Variants in ABI3BP observed in about 807,000 individuals in gnomAD.
ABI3BP encodes the protein ABI family member 3 binding protein.
Under a neutral mutation model 268.6 loss-of-function variants are expected in ABI3BP, and 216 were observed. The observed-to-expected ratio is 0.80, with a 90% CI of 0.72 to 0.90. The LOEUF (loss-of-function observed/expected upper bound fraction) is 0.90. ABI3BP is among the 40% of genes least tolerant of loss of function. The pLI is 0.00. For missense variants in ABI3BP, 2,090 were observed against 2,182.4 expected, an observed-to-expected ratio of 0.96 and a Z score of 0.84; for synonymous variants, 730 against 730.0, an observed-to-expected ratio of 1.00 and a Z score of 0.00.
chr3:100,833,660 T>G lies in ABI3BP; in HGVS notation c.2282-503A>C, dbSNP rs559323982. On this transcript the variant is annotated intron_variant, in intron 29 of 67. Coordinates refer to ENST00000471714, the MANE Select transcript of ABI3BP (RefSeq NM_001375547.2). ...AAATAAAGGCATACAAAGAACCAGA[T>G]ATAGAGGGTCATTCAATCCATCAAA... Among the ~76,000 whole-genome samples the G allele has an allele frequency of 2.0e-5, 3 of 152,282 alleles. No individual in the cohort carries two copies. The South Asian group carries it at 6.2e-4, about 32-fold the overall frequency.
chr3:100,876,933 A>T (rs1310823986), intron 6 of ABI3BP, among the ~76,000 whole-genome samples: 1 of 152,164 alleles, frequency 6.6e-6, no homozygotes, highest in African/African-American at 2.4e-5. Flanking sequence ...GGTTGCAGTA[A>T]GCCGAGATCA....
In ABI3BP at chr3:100,815,998, A is replaced by G. The variant is rs754127778; in HGVS notation, c.3230-27T>C. 3.0e-5 allele frequency: 44 copies of G among 1,462,672 alleles called. No individual in the cohort carries two copies. In the East Asian group the frequency reaches 1.0e-3, roughly 35 times the overall value. 90.6% of individuals were successfully genotyped at this position (1,462,672 alleles called of 1,614,324 possible). A position where few individuals can be genotyped will look rare whatever the true frequency, so the allele number is the denominator to read the frequency against. On this transcript the variant is annotated intron_variant, in intron 43 of 67. Transcript: ENST00000471714. ...TAACCAAAAGCAACAACATGAATAC[A>G]AGAAAGCTTAAAGACTTTTTAAAAA...
At chr3:100,773,875 A>C (rs2150047985) in intron 61 of ABI3BP, among the ~76,000 whole-genome samples, 1 of 152,310 alleles carries the variant, frequency 6.6e-6, no homozygotes, top group African/African-American at 2.4e-5. Context: ...ATTTATATAA[A>C]ATTTCATAAA....
rs114734230 is a variant in ABI3BP at position 100,824,649 on chromosome 3, A to G, written c.2746+209T>C. 7.2e-3 allele frequency among the ~76,000 whole-genome samples: 1,093 copies of G among 152,368 alleles called. 4 individuals carry two copies. Among genetic ancestry groups the G allele is most frequent in the Non-Finnish European group, 0.011 (726 of 68,044 alleles). ...GTGGTTTCAAAGAAAAGTCTCACAT[A>G]GAAATAATAAGATATGCTGGCATCA... On this transcript the variant is annotated intron_variant, in intron 36 of 67. Transcript: ENST00000471714.
chr3:100,780,031 G>A (rs1029595237), intron 58 of ABI3BP, 101 bp downstream of exon 58: 2 of 982,736 alleles, frequency 2.0e-6, no homozygotes, highest in Admixed American at 3.7e-5. Flanking sequence ...TACTTCGGGG[G>A]CTGTGTGGAT....
intron 9 of ABI3BP, among the ~76,000 whole-genome samples, chr3:100,867,257 A>C (rs2153219358): frequency 6.6e-6 from 1 of 152,222 alleles, no homozygotes; most frequent in Admixed American, 6.5e-5. Flanking sequence ...CATCTGATTG[A>C]TAAATAGAAT....
intron 55 of ABI3BP, among the ~76,000 whole-genome samples, chr3:100,792,041 G>A (rs1432642693): frequency 6.6e-6 from 1 of 151,758 alleles, no homozygotes; most frequent in Non-Finnish European, 1.5e-5. Context: ...CAGTCCACAA[G>A]TGTTATAACC....
At chr3:100,839,648 TTTCAAG>T (rs1223417644) in intron 23 of ABI3BP, 32 bp from the exon 24 acceptor site, 1 of 1,534,860 alleles carries the variant, frequency 6.5e-7, no homozygotes, top group Non-Finnish European at 8.7e-7. Context: ...ACATGAAATA[TTTCAAG>T]AAGTGGCATC....
chr3:100,823,461 ATGT>A lies in ABI3BP; in HGVS notation c.2797_2799del (p.Thr933del), dbSNP rs753626741. 911 of 1,533,796 alleles carry A rather than the reference ATGT, an allele frequency of 5.9e-4. No homozygotes were observed. Among genetic ancestry groups the A allele is most frequent in the South Asian group, 1.8e-3 (148 of 83,580 alleles). ...GAAAACACTGTATCAACGTTACCTA[ATGT>A]TGTTGAGGCCTCAGGTCTAAGAGTG... On this transcript the variant is annotated inframe_deletion, in exon 37 of 68. Coordinates refer to ENST00000471714, the MANE Select transcript of ABI3BP (RefSeq NM_001375547.2).
chr3:100,817,594 T>G, intron 41 of ABI3BP, 99 bp from the exon 42 acceptor site: 2 of 928,154 alleles, frequency 2.2e-6, no homozygotes, highest in Non-Finnish European at 1.5e-6. Flanking sequence ...AGGCTTGTTT[T>G]TTGCAGATTT....
intron 29 of ABI3BP, among the ~76,000 whole-genome samples, chr3:100,834,154 T>G (rs1237637430): frequency 6.6e-6 from 1 of 152,194 alleles, no homozygotes; most frequent in Non-Finnish European, 1.5e-5. Context: ...TTAAATTTTT[T>G]GTAGAAATGG....
intron 57 of ABI3BP, among the ~76,000 whole-genome samples, chr3:100,783,243 G>C (rs1227392975): frequency 6.6e-6 from 1 of 152,162 alleles, no homozygotes; most frequent in Non-Finnish European, 1.5e-5. Flanking sequence ...CAGCAGGCTG[G>C]AAGATTTAGT....
intron 27 of ABI3BP, among the ~76,000 whole-genome samples, chr3:100,836,170 A>T (rs999242665): frequency 6.6e-5 from 10 of 152,284 alleles, no homozygotes; most frequent in Non-Finnish European, 1.0e-4. Context: ...CTCCTTATTC[A>T]TTTATTTCAA....
intron 14 of ABI3BP, among the ~76,000 whole-genome samples, chr3:100,858,152 T>C (rs2098959670): frequency 6.6e-6 from 1 of 152,256 alleles, no homozygotes; most frequent in South Asian, 2.1e-4. Flanking sequence ...ACAAAATTTA[T>C]AGGTAATTTT....
Position 100,812,799 on chromosome 3 carries a change from G to A in ABI3BP, c.3365-276C>T, listed in dbSNP as rs370219962. Among the ~76,000 whole-genome samples, 13 of 152,032 alleles carry A rather than the reference G, an allele frequency of 8.6e-5. No homozygotes were observed. In the East Asian group the frequency reaches 1.7e-3, roughly 20 times the overall value. ...AGATGGAAAGAAATTACAGTCCTAC[G>A]GAAGAAAAATATAGGATCCAGTGTT... On this transcript the variant is annotated intron_variant, in intron 45 of 67. Transcript: ENST00000471714.
chr3:100,790,001 T>C (rs2097154982), intron 55 of ABI3BP, among the ~76,000 whole-genome samples: 1 of 151,964 alleles, frequency 6.6e-6, no homozygotes, highest in Non-Finnish European at 1.5e-5. Flanking sequence ...ATGGTCTCTA[T>C]CAAATGGTCT....
In ABI3BP at chr3:100,840,157, T is replaced by C; in HGVS notation, c.1812A>G (p.Arg604=). 6.5e-7 allele frequency: 1 copy of C among 1,531,510 alleles called. No individual in the cohort carries two copies. Among genetic ancestry groups the C allele is most frequent in the South Asian group, 1.2e-5 (1 of 83,498 alleles). 94.9% of individuals were successfully genotyped at this position (1,531,510 alleles called of 1,614,324 possible). A position where few individuals can be genotyped will look rare whatever the true frequency, so the allele number is the denominator to read the frequency against. The change falls in exon 23 of 68, where the codon CGA becomes CGG. Residue 604 remains arginine (R), a synonymous_variant. Coordinates refer to ENST00000471714, the MANE Select transcript of ABI3BP (RefSeq NM_001375547.2). ...GGCGACGACCTGGTCTTTTGGTCTTTCGTGGTGCTGAAGAAAGAAAATTAG... is the reference window on the plus strand; with the variant it reads ...GGCGACGACCTGGTCTTTTGGTCTTCCGTGGTGCTGAAGAAAGAAAATTAG... ...GTKPSTTLAP[R]KTKRPGRRPR...
chr3:100,910,936 GA>G (rs538536921), intron 2 of ABI3BP: 10 of 155,332 alleles, frequency 6.4e-5, no homozygotes, highest in East Asian at 1.9e-4. Context: ...TCCGCCAAAT[GA>G]AAAAAAAATC....
intron 1 of ABI3BP, among the ~76,000 whole-genome samples, chr3:100,930,194 A>G (rs2063158568): frequency 6.6e-6 from 1 of 152,030 alleles, no homozygotes; most frequent in Admixed American, 6.6e-5. Flanking sequence ...ATCTATAAGT[A>G]AAAATGGTAT....
Sources: gnomAD v4.1 joint callset for allele counts (sites outside exome capture counted in the v4.1 genomes callset) on GRCh38, gnomAD v4.1.1 for gene constraint, MANE v1.5 for transcripts, NCBI Gene and HGNC (gene_info 2026-07-23, HGNC 2026-07-21) for gene names.